PPP6R3: variants seen among roughly 807,000 people sequenced by gnomAD.
PPP6R3 encodes serine/threonine-protein phosphatase 6 regulatory subunit 3.
PPP6R3 carries 38 observed loss-of-function variants against 110.7 expected under a neutral mutation model. That is an observed-to-expected ratio of 0.34 (90% CI 0.26 to 0.45). The LOEUF (loss-of-function observed/expected upper bound fraction) is 0.45. Ranked by LOEUF, PPP6R3 falls within the 20% of genes least tolerant of loss-of-function variation. The pLI, the probability that PPP6R3 is intolerant of heterozygous loss-of-function variation, is 1.00. For missense variants in PPP6R3, 870 were observed against 1,062.4 expected, an observed-to-expected ratio of 0.82 and a Z score of 2.52; for synonymous variants, 369 against 373.5, an observed-to-expected ratio of 0.99 and a Z score of 0.14.
At chr11:68,463,097 G>A (rs2098719831) in intron 1 of PPP6R3, among the ~76,000 whole-genome samples, 1 of 152,168 alleles carries the variant, frequency 6.6e-6, no homozygotes, top group South Asian at 2.1e-4. Flanking sequence ...GCTTTGGCCG[G>A]GCGCAGTGGC....
intron 2 of PPP6R3, among the ~76,000 whole-genome samples, chr11:68,522,921 A>G (rs1024484757): frequency 6.6e-6 from 1 of 152,164 alleles, no homozygotes; most frequent in Non-Finnish European, 1.5e-5. Context: ...AAAAATAACA[A>G]TTGTTCCATC....
intron 2 of PPP6R3, among the ~76,000 whole-genome samples, chr11:68,536,021 A>T (rs2099268740): frequency 6.6e-6 from 1 of 152,094 alleles, no homozygotes; most frequent in Non-Finnish European, 1.5e-5. Flanking sequence ...CTCATATAAA[A>T]TGTTCAGTGA....
At chr11:68,514,822 C>T (rs372528525) in intron 1 of PPP6R3, among the ~76,000 whole-genome samples, 3 of 152,084 alleles carry the variant, frequency 2.0e-5, no homozygotes, top group South Asian at 2.1e-4. Context: ...TGACCTCAGG[C>T]GATCCACCTG....
intron 2 of PPP6R3, among the ~76,000 whole-genome samples, chr11:68,534,888 C>T (rs886291795): frequency 9.2e-5 from 14 of 152,194 alleles, no homozygotes; most frequent in Admixed American, 8.5e-4. Context: ...CACTTCTCTT[C>T]CTCTGGGGAA....
rs1371875728 is a variant in PPP6R3 at position 68,587,178 on chromosome 11, C to CA, written c.1633-749_1633-748insA. The CA allele has an allele frequency of 7.2e-5, 5 of 69,148 alleles. No individual in the cohort carries two copies. The East Asian group carries it at 2.2e-3, about 31-fold the overall frequency. 4.3% of individuals were successfully genotyped at this position (69,148 alleles called of 1,614,324 possible). On this transcript the variant is annotated intron_variant, in intron 15 of 23. Coordinates refer to ENST00000393800, the MANE Select transcript of PPP6R3 (RefSeq NM_001164161.2). ...ATTTTCCTGGGGTCCATTATAACACCCCCCCCCCCCACATTTTCAACTAAA... is the reference window on the plus strand; with the variant it reads ...ATTTTCCTGGGGTCCATTATAACACCACCCCCCCCCCACATTTTCAACTAAA...
chr11:68,561,022 G>T (rs1481074859), intron 8 of PPP6R3, among the ~76,000 whole-genome samples: 1 of 149,292 alleles, frequency 6.7e-6, no homozygotes, highest in Non-Finnish European at 1.5e-5. Flanking sequence ...TCAGTCTCCC[G>T]AGTAGCTGGG....
Position 68,603,375 on chromosome 11 carries a change from A to T in PPP6R3, c.2333A>T (p.Asp778Val). ...AGSVAMEASS[D>V]GEEDAESTDK... Reference sequence around the variant, plus strand: ...AGTGTGGCCATGGAAGCCAGCTCTGACGGAGAGGAGGATGCAGAAAGTACA... The same window carrying T: ...AGTGTGGCCATGGAAGCCAGCTCTGTCGGAGAGGAGGATGCAGAAAGTACA... Residue 778 changes from aspartate to valine, a missense_variant, in exon 22 of 24, where the codon GAC (aspartate) becomes GTC (valine). Coordinates refer to ENST00000393800, the MANE Select transcript of PPP6R3 (RefSeq NM_001164161.2). 6.2e-7 allele frequency: 1 copy of T among 1,614,006 alleles called. No homozygotes were observed. Among genetic ancestry groups the T allele is most frequent in the Non-Finnish European group, 8.5e-7 (1 of 1,180,000 alleles).
rs17149186 is a variant in PPP6R3 at position 68,590,098 on chromosome 11, T to G, written c.1731-562T>G. Among the ~76,000 whole-genome samples the G allele has an allele frequency of 3.2e-4, 49 of 152,360 alleles. 3 individuals are homozygous for G. In the East Asian group the frequency reaches 9.4e-3, roughly 29 times the overall value. On this transcript the variant is annotated intron_variant, in intron 16 of 23. Transcript: ENST00000393800. ...TGTATTGCATGCTTGGACTAGTGAT[T>G]GAGTGGAACAAATATTTTAAGAATC...
chr11:68,516,497 A>G (rs1165912909), intron 1 of PPP6R3, among the ~76,000 whole-genome samples: 1 of 152,204 alleles, frequency 6.6e-6, no homozygotes, highest in Admixed American at 6.5e-5. Context: ...CAGATATTTA[A>G]AAATGCAAAA....
chr11:68,521,531 A>G (rs1163588239), intron 2 of PPP6R3, among the ~76,000 whole-genome samples: 1 of 152,158 alleles, frequency 6.6e-6, no homozygotes, highest in Non-Finnish European at 1.5e-5. Context: ...GTCCTACACT[A>G]GAGTGAACCC....
At position 68,560,058 on chromosome 11, in the gene PPP6R3, G is replaced by C. The variant is rs539726965; in HGVS notation, c.845+1379G>C. On this transcript the variant is annotated intron_variant, in intron 8 of 23. Coordinates refer to ENST00000393800, the MANE Select transcript of PPP6R3 (RefSeq NM_001164161.2). Reference sequence around the variant, plus strand: ...CATTGCATTATGGAATGCTGTTAAAGCAGTAGAAGGAAATTTATAACATTA... The same window carrying C: ...CATTGCATTATGGAATGCTGTTAAACCAGTAGAAGGAAATTTATAACATTA... Among the ~76,000 whole-genome samples the C allele has an allele frequency of 3.3e-5, 5 of 152,276 alleles. No individual in the cohort carries two copies. The East Asian group carries it at 7.7e-4, about 24-fold the overall frequency.
At chr11:68,471,346 C>T (rs913156424) in intron 1 of PPP6R3, among the ~76,000 whole-genome samples, 1 of 151,306 alleles carries the variant, frequency 6.6e-6, no homozygotes, top group Non-Finnish European at 1.5e-5. Context: ...ATTTAACAGT[C>T]CCGAGGTTGA....
intron 18 of PPP6R3, 77 bp from the exon 19 acceptor site, chr11:68,596,020 G>A (rs536873991): frequency 6.4e-7 from 1 of 1,573,136 alleles, no homozygotes; most frequent in South Asian, 1.1e-5. Context: ...TTTGTTGCTG[G>A]ATGACTGTTA....
intron 1 of PPP6R3, among the ~76,000 whole-genome samples, chr11:68,506,068 A>G (rs1011202025): frequency 2.0e-5 from 3 of 150,524 alleles, no homozygotes; most frequent in African/African-American, 7.3e-5. Context: ...CGTTGTAGGT[A>G]TCTTGTTTTG....
intron 10 of PPP6R3, among the ~76,000 whole-genome samples, chr11:68,568,292 G>A (rs2099487200): frequency 6.6e-6 from 1 of 152,140 alleles, no homozygotes; most frequent in Non-Finnish European, 1.5e-5. Context: ...CTAAGTCATT[G>A]ATCACTGGTC....
At chr11:68,553,286 GC>G (rs1282515704) in intron 6 of PPP6R3, among the ~76,000 whole-genome samples, 2 of 149,272 alleles carry the variant, frequency 1.3e-5, no homozygotes, top group Non-Finnish European at 3.0e-5. Context: ...AACTGTATTT[GC>G]TTTTACTTTT....
At chr11:68,548,037 T>A (rs750685163) in intron 4 of PPP6R3, 30 bp from the exon 5 acceptor site, 22 of 1,597,836 alleles carry the variant, frequency 1.4e-5, no homozygotes, top group Non-Finnish European at 1.8e-5. Flanking sequence ...AAGTTACATG[T>A]CTTTCAGTTT....
intron 7 of PPP6R3, among the ~76,000 whole-genome samples, chr11:68,554,911 C>T (rs2099393536): frequency 6.6e-6 from 1 of 152,164 alleles, no homozygotes; most frequent in African/African-American, 2.4e-5. Context: ...CTTCGGTTTA[C>T]TTCTATTGTT....
At chr11:68,518,225 G>A (rs1307574866) in intron 1 of PPP6R3, among the ~76,000 whole-genome samples, 2 of 152,162 alleles carry the variant, frequency 1.3e-5, no homozygotes, top group Non-Finnish European at 2.9e-5. Context: ...AGTTTATAGT[G>A]AAGAAATCTG....
Sources: allele counts gnomAD v4.1 joint callset (sites outside exome capture counted in the v4.1 genomes callset), GRCh38; gene constraint gnomAD v4.1.1; transcripts MANE v1.5; gene names NCBI Gene and HGNC (gene_info 2026-07-23, HGNC 2026-07-21).